Variants in KIAA0753 observed in about 807,000 individuals in gnomAD.
KIAA0753 encodes the protein KIAA0753, also known as protein moonraker.
A neutral mutation model predicts 116.9 loss-of-function variants in KIAA0753; 114 were observed. The observed-to-expected ratio is 0.98, with a 90% confidence interval of 0.84 to 1.14. The LOEUF (loss-of-function observed/expected upper bound fraction) is 1.14. KIAA0753 is among the 50% of genes most tolerant of loss of function. The probability of loss-of-function intolerance (pLI) is 0.00; values close to 1 mark genes in which losing one functional copy is unlikely to be tolerated. For synonymous variants in KIAA0753, 405 were observed against 413.1 expected (o/e 0.98, Z 0.24); for missense variants, 1,156 against 1,172.4 (o/e 0.99, Z 0.20).
intron 16 of KIAA0753, among the ~76,000 whole-genome samples, chr17:6,594,757 G>T (rs2150768339): frequency 6.6e-6 from 1 of 152,308 alleles, no homozygotes; most frequent in East Asian, 1.9e-4. Context: ...TAGGGGTAAA[G>T]TGTGCTGATA....
At chr17:6,624,579 A>G (rs529787795) in intron 4 of KIAA0753, among the ~76,000 whole-genome samples, 176 bp downstream of exon 4, 1 of 125,716 alleles carries the variant, frequency 8.0e-6, no homozygotes, top group Admixed American at 8.4e-5. Context: ...CACGCAGATT[A>G]CAAAAAGAAA....
chr17:6,594,905 C>A, intron 16 of KIAA0753, 67 bp downstream of exon 16: 1 of 1,266,504 alleles, frequency 7.9e-7, no homozygotes, highest in East Asian at 2.3e-5. Flanking sequence ...ACAATTTTTT[C>A]AATTTTCTGT....
intron 15 of KIAA0753, among the ~76,000 whole-genome samples, chr17:6,595,418 C>CG (rs1474562302): frequency 1.3e-5 from 2 of 152,124 alleles, no homozygotes; most frequent in Non-Finnish European, 2.9e-5. Flanking sequence ...TTGAGCACCC[C>CG]GGGCCTAGAC....
chr17:6,586,921 C>T lies in KIAA0753; in HGVS notation c.2786+2858G>A, dbSNP rs112341053. On this transcript the variant is annotated intron_variant, in intron 18 of 18. Coordinates refer to ENST00000361413, the MANE Select transcript of KIAA0753 (RefSeq NM_014804.3). ...TTAAAGATCTGATCAATATAACTCT[C>T]ATCTTTGGAATATTCAAATCATAAA... is the stretch of plus-strand genomic sequence containing the variant. 8.6e-4 allele frequency among the ~76,000 whole-genome samples: 131 copies of T among 152,298 alleles called. 1 individual carries two copies. The highest frequency in any genetic ancestry group is 2.9e-3 in the African/African-American group (122 of 41,558).
At chr17:6,598,176 C>T (rs1363266695) in intron 14 of KIAA0753, among the ~76,000 whole-genome samples, 2 of 152,092 alleles carry the variant, frequency 1.3e-5, no homozygotes, top group East Asian at 3.9e-4. Context: ...TATTAAAGTG[C>T]AGTATGGAGT....
intron 7 of KIAA0753, among the ~76,000 whole-genome samples, chr17:6,617,769 T>G (rs1195229681): frequency 1.3e-5 from 2 of 152,210 alleles, no homozygotes; most frequent in African/African-American, 4.8e-5. Context: ...GGAGACTGAG[T>G]TCGTCATCGA....
At chr17:6,625,723 AC>A (rs1485237012) in intron 3 of KIAA0753, among the ~76,000 whole-genome samples, 5 of 152,276 alleles carry the variant, frequency 3.3e-5, no homozygotes, top group African/African-American at 1.2e-4. Context: ...CTTATTGTAA[AC>A]ATTTTTTTCT....
At chr17:6,634,191 C>G (rs1011923352) in intron 2 of KIAA0753, among the ~76,000 whole-genome samples, 1 of 151,556 alleles carries the variant, frequency 6.6e-6, no homozygotes, top group African/African-American at 2.4e-5. Context: ...CAACCTCTGC[C>G]TCCCAGGTTC....
rs1209315024 is a variant in KIAA0753 at position 6,635,269 on chromosome 17, T to G, written c.-68-98A>C. On this transcript the variant is annotated intron_variant, in intron 1 of 18. Coordinates refer to ENST00000361413, the MANE Select transcript of KIAA0753 (RefSeq NM_014804.3). ...TGTGCATGTAGCAATATACTAGAAGTAGCCAATAGTAACCTCATACTGAGA... is the reference window on the plus strand; with the variant it reads ...TGTGCATGTAGCAATATACTAGAAGGAGCCAATAGTAACCTCATACTGAGA... The G allele has an allele frequency of 7.9e-6, 4 of 508,536 alleles. No homozygotes were observed. In the East Asian group the frequency reaches 1.2e-4, roughly 15 times the overall value. The allele number at this position is 508,536 out of a possible 1,614,324, so 31.5% of individuals were successfully genotyped here. A position where few individuals can be genotyped will look rare whatever the true frequency, so the allele number is the denominator to read the frequency against.
rs866913603 is a variant in KIAA0753 at position 6,639,742 on chromosome 17, G to A, written c.-69+895C>T. ...GACAGGTCCCTCTCCTGCAGGCACG[G>A]GATGGAGCTCGACTCTACTTCCTTC... On this transcript the variant is annotated intron_variant, in intron 1 of 18. Transcript: ENST00000361413. This position sits in a 1 kb window ranked among gnomAD's most constrained non-coding sequence, Gnocchi z 4.3. 109 of 152,924 alleles carry A rather than the reference G, an allele frequency of 7.1e-4. No individual in the cohort carries two copies. The highest frequency in any genetic ancestry group is 2.4e-3 in the African/African-American group (100 of 41,558). The allele number at this position is 152,924 out of a possible 1,614,324, so 9.5% of individuals were successfully genotyped here.
chr17:6,598,573 T>C (rs929952270), intron 14 of KIAA0753, among the ~76,000 whole-genome samples: 2 of 152,230 alleles, frequency 1.3e-5, no homozygotes, highest in Non-Finnish European at 2.9e-5. Context: ...TCTGGGCAAT[T>C]AAAGCTATAA....
At chr17:6,612,878 A>C (rs1248431140) in intron 7 of KIAA0753, among the ~76,000 whole-genome samples, 1 of 152,186 alleles carries the variant, frequency 6.6e-6, no homozygotes, top group Non-Finnish European at 1.5e-5. Context: ...CAAAAATAAT[A>C]AAAATAAATA....
chr17:6,609,284 G>C (rs940933673), intron 9 of KIAA0753, among the ~76,000 whole-genome samples: 2 of 152,010 alleles, frequency 1.3e-5, no homozygotes, highest in Non-Finnish European at 2.9e-5. Flanking sequence ...TCCTTTTTCT[G>C]TTCCACCTCC....
Position 6,623,544 on chromosome 17 carries a change from T to C in KIAA0753, c.853A>G (p.Lys285Glu). ...QVKEIQEELDKLSPHKIKHTK... is the reference protein window; with the variant it reads ...QVKEIQEELDELSPHKIKHTK... ...TGTTTAATTTTATGTGGACTCAATT[T>C]ATCCAATTCTTCCTGGATTTCTTTT... Residue 285 changes from lysine (K) to glutamate (E), a missense_variant, in exon 5 of 19, where the codon AAA becomes GAA. Lys to Glu is a moderately conservative substitution (Grantham distance 56). Transcript: ENST00000361413. The C allele has an allele frequency of 6.2e-7, 1 of 1,610,908 alleles. No homozygotes were observed. Among genetic ancestry groups the C allele is most frequent in the Non-Finnish European group, 8.5e-7 (1 of 1,178,104 alleles).
At chr17:6,636,386 A>C (rs191948234) in intron 1 of KIAA0753, 93 of 152,254 alleles carry the variant, frequency 6.1e-4, no homozygotes, top group African/African-American at 2.2e-3. Context: ...GCCACTTTTA[A>C]ATGGTCAGTA....
chr17:6,591,486 A>T (rs190172255), intron 16 of KIAA0753, among the ~76,000 whole-genome samples: 32 of 152,350 alleles, frequency 2.1e-4, no homozygotes, highest in African/African-American at 7.7e-4. Flanking sequence ...ATCACTTTAA[A>T]TTGGGTTTTG....
intron 18 of KIAA0753, among the ~76,000 whole-genome samples, chr17:6,583,877 C>A (rs1190665204): frequency 2.0e-5 from 3 of 152,204 alleles, no homozygotes; most frequent in Admixed American, 6.5e-5. Flanking sequence ...TCACCATATA[C>A]TAGACAATGT....
rs371300870 is a variant in KIAA0753, at chr17:6,635,054, G to A, written c.50C>T (p.Thr17Ile). ...ASTCVHLAPR[T>I]QLDGRSDPKV... ...GGGGTCGCTCCTCCCATCAAGTTGG[G>A]TCCTAGGTGCTAGATGAACACAGGT... is the stretch of plus-strand genomic sequence containing the variant. The change falls in exon 2 of 19, where the codon ACC (threonine) becomes ATC (isoleucine). Residue 17 changes from threonine (T) to isoleucine (I), a missense_variant. Physicochemically the swap from Thr to Ile is moderately conservative, Grantham distance 89. Coordinates refer to ENST00000361413, the MANE Select transcript of KIAA0753 (RefSeq NM_014804.3). The A allele has an allele frequency of 4.6e-5, 74 of 1,613,942 alleles. No homozygotes were observed. Among genetic ancestry groups the A allele is most frequent in the East Asian group, 2.2e-5 (1 of 44,862 alleles).
Position 6,595,060 on chromosome 17 carries a change from A to G in KIAA0753, c.2359-7T>C. 1.3e-6 allele frequency: 2 copies of G among 1,573,090 alleles called. No individual in the cohort carries two copies. Among genetic ancestry groups the G allele is most frequent in the Non-Finnish European group, 8.7e-7 (1 of 1,153,072 alleles). ...GAACAGACTCCTGGTATTTCTTTAA[A>G]AAAAAAGAAAAAAGTTTAATTTATG... On this transcript the variant is annotated splice_polypyrimidine_tract_variant and splice_region_variant and intron_variant, in intron 15 of 18. Transcript: ENST00000361413.
Sources: gnomAD v4.1 joint callset for allele counts (sites outside exome capture counted in the v4.1 genomes callset) on GRCh38, gnomAD v4.1.1 for gene constraint, Gnocchi (gnomAD v3.1) non-coding constraint, MANE v1.5 for transcripts, NCBI Gene and HGNC (gene_info 2026-07-23, HGNC 2026-07-21) for gene names.